MAF: variants seen among roughly 807,000 people sequenced by gnomAD.
The protein encoded by MAF is transcription factor Maf.
MAF carries 10 observed loss-of-function variants against 22.0 expected under a neutral mutation model. That is an observed-to-expected ratio of 0.45 (90% confidence interval 0.28 to 0.77). MAF has a LOEUF of 0.77. Ranked by LOEUF, MAF falls within the 30% of genes least tolerant of loss-of-function variation. The pLI, the probability that MAF is intolerant of heterozygous loss-of-function variation, is 0.12. For synonymous variants in MAF, 337 were observed against 255.8 expected, an observed-to-expected ratio of 1.32 and a Z score of -3.03; for missense variants, 544 against 548.4, an observed-to-expected ratio of 0.99 and a Z score of 0.08.
the MAF span, among the ~76,000 whole-genome samples, chr16:79,449,616 G>C: frequency 2.0e-5 from 3 of 152,198 alleles, no homozygotes; most frequent in African/African-American, 7.2e-5. Flanking sequence ...GCCTACAGCA[G>C]GACAGAGGCA....
chr16:79,430,672 C>A, the MAF span, among the ~76,000 whole-genome samples: 133 of 152,250 alleles, frequency 8.7e-4, 2 homozygotes, highest in Middle Eastern at 0.014. Flanking sequence ...GGAGAGGGTG[C>A]CTTCTGTGTC....
chr16:79,223,370 G>C, the MAF span, among the ~76,000 whole-genome samples: 1 of 152,172 alleles, frequency 6.6e-6, no homozygotes, highest in Non-Finnish European at 1.5e-5. Context: ...CCAGTGTGTA[G>C]AGGGAAATTT....
At chr16:79,496,489 A>G in the MAF span, among the ~76,000 whole-genome samples, 1 of 152,330 alleles carries the variant, frequency 6.6e-6, no homozygotes, top group East Asian at 1.9e-4. Flanking sequence ...TCCCTGCATG[A>G]CACTCCTCAG....
At chr16:79,222,348 G>A in the MAF span, among the ~76,000 whole-genome samples, 3 of 152,008 alleles carry the variant, frequency 2.0e-5, no homozygotes, top group Non-Finnish European at 4.4e-5. Flanking sequence ...CACTAAACAT[G>A]GAAAGGAACA....
At chr16:79,318,306 A>C in the MAF span, among the ~76,000 whole-genome samples, 1 of 152,178 alleles carries the variant, frequency 6.6e-6, no homozygotes, top group African/African-American at 2.4e-5. Context: ...GCTAAATGGT[A>C]AGGAGCAACT....
the MAF span, among the ~76,000 whole-genome samples, chr16:79,330,543 G>A: frequency 6.6e-6 from 1 of 152,194 alleles, no homozygotes; most frequent in Non-Finnish European, 1.5e-5. Flanking sequence ...AGGAAGCCAA[G>A]AGAGGAGATA....
the MAF span, among the ~76,000 whole-genome samples, chr16:79,328,483 G>C: frequency 1.3e-5 from 2 of 152,164 alleles, no homozygotes; most frequent in Admixed American, 6.5e-5. Flanking sequence ...CCTTGCATGA[G>C]AATACATTCT....
At chr16:79,506,573 C>T in the MAF span, among the ~76,000 whole-genome samples, 2,652 of 152,234 alleles carry the variant, frequency 0.017, 67 homozygotes, top group African/African-American at 0.054. Flanking sequence ...AAAAGGAAGA[C>T]GGTGAAGTGT....
intron 1 of MAF, among the ~76,000 whole-genome samples, chr16:79,586,825 A>C (rs1567557431): frequency 6.6e-6 from 1 of 152,236 alleles, no homozygotes; most frequent in Non-Finnish European, 1.5e-5. Flanking sequence ...TATATTTAAA[A>C]TCTAATTTAA....
At chr16:79,438,102 G>A in the MAF span, among the ~76,000 whole-genome samples, 1 of 152,066 alleles carries the variant, frequency 6.6e-6, no homozygotes, top group Non-Finnish European at 1.5e-5. Flanking sequence ...AACAGCAGAG[G>A]CCCCGTGGCG....
chr16:79,312,612 C>T, the MAF span, among the ~76,000 whole-genome samples: 7 of 152,206 alleles, frequency 4.6e-5, no homozygotes, highest in African/African-American at 1.7e-4. Flanking sequence ...GTAAGGCCTG[C>T]GCCCAATACC....
chr16:79,489,394 T>C, the MAF span, among the ~76,000 whole-genome samples: 3 of 152,204 alleles, frequency 2.0e-5, no homozygotes, highest in Non-Finnish European at 4.4e-5. Flanking sequence ...TGAATATGTG[T>C]TTTGCATCAG....
chr16:79,580,444 G>C, the MAF span, among the ~76,000 whole-genome samples: 1 of 152,238 alleles, frequency 6.6e-6, no homozygotes, highest in Non-Finnish European at 1.5e-5. Context: ...CAAATAAGAT[G>C]AGGAGAGGCT....
chr16:79,536,429 G>C, the MAF span, among the ~76,000 whole-genome samples: 4 of 152,174 alleles, frequency 2.6e-5, no homozygotes, highest in Non-Finnish European at 5.9e-5. Context: ...GATCACTTGA[G>C]GTCAGGAGTT....
At chr16:79,399,832 T>TAATAA in the MAF span, among the ~76,000 whole-genome samples, 1 of 152,196 alleles carries the variant, frequency 6.6e-6, no homozygotes, top group Non-Finnish European at 1.5e-5. Flanking sequence ...TGTGTGCCTG[T>TAATAA]ATCCTTACTT....
chr16:79,207,088 A>C, the MAF span, among the ~76,000 whole-genome samples: 283 of 152,146 alleles, frequency 1.9e-3, 2 homozygotes, highest in African/African-American at 6.4e-3. Context: ...TTACTGGGAG[A>C]CAGGGAAAGA....
At chr16:79,221,948 C>G in the MAF span, among the ~76,000 whole-genome samples, 1 of 152,250 alleles carries the variant, frequency 6.6e-6, no homozygotes, top group African/African-American at 2.4e-5. Context: ...TGTTAATACA[C>G]TTCCCTGGGA....
At chr16:79,324,048 C>A in the MAF span, among the ~76,000 whole-genome samples, 1 of 152,138 alleles carries the variant, frequency 6.6e-6, no homozygotes. Flanking sequence ...TTGCTGTGGA[C>A]CTTCCGTGCT....
the MAF span, among the ~76,000 whole-genome samples, chr16:79,233,786 G>A: frequency 5.3e-5 from 8 of 152,032 alleles, no homozygotes; most frequent in Admixed American, 2.6e-4. Context: ...AAGGTCAGGA[G>A]TTTGAGACCA....
Sources: gnomAD v4.1 joint callset for allele counts (sites outside exome capture counted in the v4.1 genomes callset) on GRCh38, gnomAD v4.1.1 for gene constraint, MANE v1.5 for transcripts, NCBI Gene and HGNC (gene_info 2026-07-23, HGNC 2026-07-21) for gene names.